Variants in DERA observed in about 807,000 individuals in gnomAD.
The protein encoded by DERA is 2-deoxy-D-ribose 5-phosphate aldolase.
DERA carries 15 observed loss-of-function variants against 41.1 expected under a neutral mutation model. The ratio of observed to expected loss-of-function variants is 0.37; its 90% CI spans 0.24 to 0.56. DERA has a LOEUF of 0.56. DERA is among the 20% of genes least tolerant of loss of function. The pLI, the probability that DERA is intolerant of heterozygous loss-of-function variation, is 0.81. For missense variants in DERA, 396 were observed against 403.4 expected (o/e 0.98, Z 0.16); for synonymous variants, 139 against 137.4 (o/e 1.01, Z -0.08).
In DERA at chr12:15,938,605, A is replaced by G. The variant is rs927417314; in HGVS notation, c.32-18331A>G. Among the ~76,000 whole-genome samples, 3 of 152,190 alleles carry G rather than the reference A, an allele frequency of 2.0e-5. No individual in the cohort carries two copies. The highest frequency in any genetic ancestry group is 4.4e-5 in the Non-Finnish European group (3 of 68,036). On this transcript the variant is annotated intron_variant, in intron 1 of 8. Coordinates refer to ENST00000428559, the MANE Select transcript of DERA (RefSeq NM_015954.4). This position sits in a 1 kb window ranked among gnomAD's most constrained non-coding sequence, Gnocchi z 4.1. ...ATGAAATGTGTTTTTAAAATTGAGA[A>G]AATATTTTCTCTATAAGTGTTGAGA... is the stretch of plus-strand genomic sequence containing the variant.
In DERA at chr12:15,911,367, C is replaced by T. The variant is rs758668717; in HGVS notation, c.-17C>T. On this transcript the variant is annotated 5_prime_UTR_variant, in exon 1 of 9. Coordinates refer to ENST00000428559, the MANE Select transcript of DERA (RefSeq NM_015954.4). This position sits in a 1 kb window ranked among gnomAD's most constrained non-coding sequence, Gnocchi z 4.5. The stretch of plus-strand genomic sequence containing the variant: ...GGCGGGCGCCTACCAGCCGGCAGCT[C>T]CGGAGCTGCCCGCGCCATGTCCGCG... The T allele has an allele frequency of 4.6e-4, 656 of 1,411,880 alleles. No individual in the cohort carries two copies. The highest frequency in any genetic ancestry group is 5.8e-4 in the Non-Finnish European group (640 of 1,096,294). 87.5% of individuals were successfully genotyped at this position (1,411,880 alleles called of 1,614,324 possible).
At chr12:15,960,693 G>T (rs1592020664) in intron 4 of DERA, among the ~76,000 whole-genome samples, 1 of 150,584 alleles carries the variant, frequency 6.6e-6, no homozygotes, top group South Asian at 2.1e-4. Context: ...TGTAGTTGCG[G>T]TTCTGAGCAG....
rs899398743 is a variant in DERA at position 16,008,344 on chromosome 12, C to T, written c.638-24198C>T. Among the ~76,000 whole-genome samples, 2 of 152,184 alleles carry T rather than the reference C, an allele frequency of 1.3e-5. No homozygotes were observed. The highest frequency in any genetic ancestry group is 2.1e-4 in the South Asian group (1 of 4,830). On this transcript the variant is annotated intron_variant, in intron 6 of 8. Transcript: ENST00000428559. This position sits in a 1 kb window ranked among gnomAD's most constrained non-coding sequence, Gnocchi z 4.8. ...AAATCTCTCCTGCCTTGGTCCTTTC[C>T]TTCCACATTTTATTCAGTTGGACTC...
intron 1 of DERA, among the ~76,000 whole-genome samples, chr12:15,920,659 C>T (rs1332509972): frequency 6.6e-6 from 1 of 151,666 alleles, no homozygotes; most frequent in African/African-American, 2.4e-5. Flanking sequence ...ATGGTGAAAG[C>T]GCGTCTCTAC....
At chr12:15,952,004 C>T (rs536428948) in intron 1 of DERA, among the ~76,000 whole-genome samples, 15 of 152,042 alleles carry the variant, frequency 9.9e-5, no homozygotes, top group South Asian at 4.2e-4. Flanking sequence ...CAGGTTCAAG[C>T]GATTCTTCTG....
intron 6 of DERA, among the ~76,000 whole-genome samples, chr12:16,002,100 C>T (rs113688675): frequency 0.11 from 17,368 of 151,496 alleles, 1,264 homozygotes; most frequent in Non-Finnish European, 0.16. Flanking sequence ...CGTCATTTAA[C>T]ATTAGGTATA....
intron 6 of DERA, among the ~76,000 whole-genome samples, chr12:16,027,872 A>G (rs1949063418): frequency 6.6e-6 from 1 of 152,240 alleles, no homozygotes; most frequent in Non-Finnish European, 1.5e-5. Context: ...GAGTTTACCA[A>G]GGTTGCACGA....
rs565705496 is a variant in DERA at position 15,951,028 on chromosome 12, G to T, written c.32-5908G>T. ...GTATCTTGTGTAAGTCTTGACTTTG[G>T]GTAGAGATCCCTGCAGATTCTGTAA... On this transcript the variant is annotated intron_variant, in intron 1 of 8. Transcript: ENST00000428559. 7.9e-5 allele frequency among the ~76,000 whole-genome samples: 12 copies of T among 152,268 alleles called. No individual in the cohort carries two copies. In the South Asian group the frequency reaches 1.5e-3, roughly 18 times the overall value.
In DERA at chr12:15,915,950, C is replaced by T. The variant is rs1453683106; in HGVS notation, c.31+4536C>T. 6.6e-6 allele frequency among the ~76,000 whole-genome samples: 1 copy of T among 152,200 alleles called. No homozygotes were observed. The highest frequency in any genetic ancestry group is 6.5e-5 in the Admixed American group (1 of 15,276). On this transcript the variant is annotated intron_variant, in intron 1 of 8. Coordinates refer to ENST00000428559, the MANE Select transcript of DERA (RefSeq NM_015954.4). This position sits in a 1 kb window ranked among gnomAD's most constrained non-coding sequence, Gnocchi z 4.8. ...TAATAATGCTACATGCTTAAACAAC[C>T]ACACTGTGTCGACTGGTGCTAACTG...
At chr12:16,005,730 C>T (rs1043720761) in intron 6 of DERA, among the ~76,000 whole-genome samples, 2 of 152,076 alleles carry the variant, frequency 1.3e-5, no homozygotes, top group African/African-American at 4.8e-5. Context: ...TTCATCATAC[C>T]AAACTTATTT....
In DERA at chr12:15,988,628, C is replaced by T. The variant is rs1207726034; in HGVS notation, c.637+6192C>T. ...AGCACCATCGGACTGCCTGAATGGT[C>T]ATCAATGAAGTTCTCACTCCAGGCT... On this transcript the variant is annotated intron_variant, in intron 6 of 8. Transcript: ENST00000428559. This position sits in a 1 kb window ranked among gnomAD's most constrained non-coding sequence, Gnocchi z 6.0. Among the ~76,000 whole-genome samples, 1 of 152,160 alleles carries T rather than the reference C, an allele frequency of 6.6e-6. No homozygotes were observed. Among genetic ancestry groups the T allele is most frequent in the Admixed American group, 6.5e-5 (1 of 15,282 alleles).
intron 1 of DERA, among the ~76,000 whole-genome samples, chr12:15,934,474 T>TA (rs1203687493): frequency 6.6e-6 from 1 of 151,990 alleles, no homozygotes; most frequent in Non-Finnish European, 1.5e-5. Flanking sequence ...TAGTCCCAGC[T>TA]ACTCAGGAGG....
intron 5 of DERA, among the ~76,000 whole-genome samples, chr12:15,978,793 T>G (rs894221538): frequency 6.6e-6 from 1 of 152,226 alleles, no homozygotes; most frequent in Non-Finnish European, 1.5e-5. Context: ...TGATAAGCAC[T>G]GAATAATAAC....
In DERA at chr12:16,032,492, T is replaced by TA. The variant is rs1336658524; in HGVS notation, c.638-43dup. The TA allele has an allele frequency of 4.6e-6, 5 of 1,091,530 alleles. No homozygotes were observed. The East Asian group carries it at 1.2e-4, about 25-fold the overall frequency. The allele number at this position is 1,091,530 out of a possible 1,614,324, so 67.6% of individuals were successfully genotyped here. On this transcript the variant is annotated intron_variant, in intron 6 of 8. Transcript: ENST00000428559. Reference sequence around the variant, plus strand: ...CATTTCTCCCACTGACTCAAAAGTGTAAAAAAAGAATCTTTAATTAACATG... The same window carrying TA: ...CATTTCTCCCACTGACTCAAAAGTGTAAAAAAAAGAATCTTTAATTAACATG...
intron 1 of DERA, among the ~76,000 whole-genome samples, chr12:15,950,095 C>A (rs1399869876): frequency 6.6e-6 from 1 of 152,122 alleles, no homozygotes; most frequent in African/African-American, 2.4e-5. Context: ...GGTCCTGATA[C>A]AGACCCCAAG....
intron 1 of DERA, among the ~76,000 whole-genome samples, chr12:15,930,846 A>G (rs1311647540): frequency 1.3e-5 from 2 of 152,170 alleles, no homozygotes; most frequent in Non-Finnish European, 2.9e-5. Flanking sequence ...ATGGTAAAGT[A>G]TAAATGACCA....
At chr12:15,962,712 C>T in intron 4 of DERA, 101 bp from the exon 5 acceptor site, 1 of 948,760 alleles carries the variant, frequency 1.1e-6, no homozygotes, top group Non-Finnish European at 1.5e-6. Context: ...CTTTGATGAA[C>T]TACTACTGAC....
chr12:15,961,832 C>T (rs888638502), intron 4 of DERA, among the ~76,000 whole-genome samples: 3 of 152,224 alleles, frequency 2.0e-5, no homozygotes, highest in Non-Finnish European at 4.4e-5. Flanking sequence ...CAGCCTCCGC[C>T]TCCTGAGTTC....
chr12:15,998,432 CTCA>C lies in DERA; in HGVS notation c.637+15997_637+15999del, dbSNP rs1326103732. Among the ~76,000 whole-genome samples, 1 of 152,138 alleles carries C rather than the reference CTCA, an allele frequency of 6.6e-6. No individual in the cohort carries two copies. Among genetic ancestry groups the C allele is most frequent in the Admixed American group, 6.6e-5 (1 of 15,266 alleles). On this transcript the variant is annotated intron_variant, in intron 6 of 8. Coordinates refer to ENST00000428559, the MANE Select transcript of DERA (RefSeq NM_015954.4). The surrounding 1 kb of genome is among the most constrained non-coding windows in gnomAD (Gnocchi z 4.8). ...TTCCGGGTTCAAGCAGTTCTCCCGCCTCAGCCTCCCGAGTAGCTGAGATTACAG... is the reference window on the plus strand; with the variant it reads ...TTCCGGGTTCAAGCAGTTCTCCCGCCGCCTCCCGAGTAGCTGAGATTACAG...
Sources: gnomAD v4.1 joint callset for allele counts (sites outside exome capture counted in the v4.1 genomes callset) on GRCh38, gnomAD v4.1.1 for gene constraint, Gnocchi (gnomAD v3.1) non-coding constraint, MANE v1.5 for transcripts, NCBI Gene and HGNC (gene_info 2026-07-23, HGNC 2026-07-21) for gene names.